The following PCBP3 variants were observed in gnomAD, a reference collection of about 807,000 sequenced individuals.
PCBP3 encodes the protein poly(rC)-binding protein 3.
PCBP3 carries 25 observed loss-of-function variants against 52.7 expected under a neutral mutation model. That is an observed-to-expected ratio of 0.47 (90% confidence interval 0.35 to 0.66). The LOEUF is 0.66. Among genes scored for constraint, PCBP3 ranks in the 30% least tolerant of loss-of-function variants. The probability of loss-of-function intolerance (pLI) is 0.01; values close to 1 mark genes in which losing one functional copy is unlikely to be tolerated. For synonymous variants in PCBP3, 162 were observed against 183.0 expected (o/e 0.89, Z 0.93); for missense variants, 391 against 490.3 (o/e 0.80, Z 1.91).
At chr21:45,648,113 G>T (rs1166194446) in intron 1 of PCBP3, among the ~76,000 whole-genome samples, 1 of 152,232 alleles carries the variant, frequency 6.6e-6, no homozygotes, top group African/African-American at 2.4e-5. Flanking sequence ...CTTGGGAAAG[G>T]AATGCAGTCC....
chr21:45,935,529 C>A (rs1458877310), intron 16 of PCBP3: 7 of 667,524 alleles, frequency 1.0e-5, no homozygotes. Context: ...GAACAAGCAA[C>A]AGGCTAAAGG....
At chr21:45,644,505 GTTT>G (rs562542496) in intron 1 of PCBP3, among the ~76,000 whole-genome samples, 1 of 107,432 alleles carries the variant, frequency 9.3e-6, no homozygotes, top group Non-Finnish European at 2.0e-5. Context: ...TCGTGAAAGA[GTTT>G]TTTTCTTTTT....
At chr21:45,939,950 C>T in intron 16 of PCBP3, 80 bp from the exon 17 acceptor site, 2 of 1,334,796 alleles carry the variant, frequency 1.5e-6, no homozygotes, top group South Asian at 1.3e-5. Flanking sequence ...GTCCCACCGG[C>T]CCCCTCGGGC....
At chr21:45,660,946 C>T (rs903218372) in intron 1 of PCBP3, among the ~76,000 whole-genome samples, 7 of 152,140 alleles carry the variant, frequency 4.6e-5, no homozygotes, top group African/African-American at 1.7e-4. Flanking sequence ...GAGGCTGAGA[C>T]AGGAGAATTG....
At chr21:45,677,896 T>A (rs1385290331) in intron 2 of PCBP3, among the ~76,000 whole-genome samples, 1 of 152,188 alleles carries the variant, frequency 6.6e-6, no homozygotes, top group Non-Finnish European at 1.5e-5. Flanking sequence ...CTCAAAATAT[T>A]ACTGCTTATG....
At chr21:45,777,970 CTTT>C (rs71318012) in intron 4 of PCBP3, among the ~76,000 whole-genome samples, 4 of 130,812 alleles carry the variant, frequency 3.1e-5, no homozygotes, top group Admixed American at 7.5e-5. Flanking sequence ...TGGGGAGGGC[CTTT>C]TTTTTTTTTT....
At chr21:45,838,553 A>G (rs1281248321) in intron 4 of PCBP3, among the ~76,000 whole-genome samples, 2 of 152,210 alleles carry the variant, frequency 1.3e-5, no homozygotes, top group African/African-American at 4.8e-5. Flanking sequence ...AGAGAAAATT[A>G]AGATAAATAT....
rs181361249 is a variant in PCBP3 at position 45,741,992 on chromosome 21, A to C, written c.-162+6563A>C. Among the ~76,000 whole-genome samples the C allele has an allele frequency of 6.6e-6, 1 of 152,224 alleles. No individual in the cohort carries two copies. Among genetic ancestry groups the C allele is most frequent in the Non-Finnish European group, 1.5e-5 (1 of 68,042 alleles). ...CTTTCGTGCCCTGCTTTTTAACTGA[A>C]TAGTATTCTGCAAAGTGTTCGACCT... On this transcript the variant is annotated intron_variant, in intron 3 of 17. Transcript: ENST00000681687. This position sits in a 1 kb window ranked among gnomAD's most constrained non-coding sequence, Gnocchi z 4.5.
chr21:45,795,476 A>C (rs1213691367), intron 4 of PCBP3, among the ~76,000 whole-genome samples: 1 of 152,204 alleles, frequency 6.6e-6, no homozygotes, highest in Non-Finnish European at 1.5e-5. Flanking sequence ...ACACAAAATG[A>C]TAGCCAAAAG....
chr21:45,896,659 G>A (rs2095837079), intron 6 of PCBP3, among the ~76,000 whole-genome samples: 1 of 133,862 alleles, frequency 7.5e-6, no homozygotes, highest in South Asian at 2.8e-4. Context: ...AACCGGAGAT[G>A]CACTGCCCGG....
intron 16 of PCBP3, among the ~76,000 whole-genome samples, chr21:45,936,474 C>G (rs1420534468): frequency 2.6e-5 from 4 of 152,236 alleles, no homozygotes; most frequent in Non-Finnish European, 5.9e-5. Context: ...CCAAGGATTT[C>G]TGAGGTTGGC....
intron 2 of PCBP3, among the ~76,000 whole-genome samples, chr21:45,711,835 A>G (rs185101966): frequency 2.0e-5 from 3 of 152,328 alleles, no homozygotes; most frequent in East Asian, 1.9e-4. Flanking sequence ...GTAAAGTTCT[A>G]TGGTTTTTGA....
At chr21:45,840,203 A>G (rs2093670166) in intron 4 of PCBP3, among the ~76,000 whole-genome samples, 1 of 151,706 alleles carries the variant, frequency 6.6e-6, no homozygotes. Context: ...CTGTAATCCC[A>G]GCACTTTGGG....
At chr21:45,939,999 C>A (rs2077289141) in intron 16 of PCBP3, 31 bp from the exon 17 acceptor site, 3 of 1,602,118 alleles carry the variant, frequency 1.9e-6, no homozygotes, top group Non-Finnish European at 2.6e-6. Flanking sequence ...TTGGGCTGTT[C>A]TCTAAGAAAT....
intron 5 of PCBP3, among the ~76,000 whole-genome samples, chr21:45,879,253 G>GGT (rs140484677): frequency 0.018 from 2,772 of 152,210 alleles, 85 homozygotes; most frequent in African/African-American, 0.064. Flanking sequence ...CCAAAGTACC[G>GGT]GGTTTACAAG....
intron 3 of PCBP3, chr21:45,752,941 C>G (rs922918514): frequency 2.8e-5 from 4 of 140,900 alleles, no homozygotes; most frequent in African/African-American, 1.1e-4. Context: ...CAAGACAAAC[C>G]TAGGCAACAT....
rs1043577846 is a variant in PCBP3, at chr21:45,723,201, C to T, written c.-199-12191C>T. Among the ~76,000 whole-genome samples the T allele has an allele frequency of 1.3e-5, 2 of 152,174 alleles. 1 individual carries two copies. Among genetic ancestry groups the T allele is most frequent in the Middle Eastern group, 6.3e-3 (2 of 316 alleles). ...GTTTGGCAACCAGGGGACACATAGG[C>T]ATCCTAGAGAGTGGCTCTGAGCACA... On this transcript the variant is annotated intron_variant, in intron 2 of 17. Transcript: ENST00000681687.
intron 5 of PCBP3, among the ~76,000 whole-genome samples, chr21:45,891,943 C>T (rs1195373384): frequency 6.6e-6 from 1 of 152,222 alleles, no homozygotes; most frequent in Non-Finnish European, 1.5e-5. Flanking sequence ...TGAGTCAGGA[C>T]GTCCACACAG....
At chr21:45,835,751 C>A (rs1454659314) in intron 4 of PCBP3, among the ~76,000 whole-genome samples, 3 of 152,148 alleles carry the variant, frequency 2.0e-5, no homozygotes, top group African/African-American at 7.2e-5. Context: ...GAGCCATTTT[C>A]ATCCAGGCCA....
Sources: gnomAD v4.1 joint callset for allele counts (sites outside exome capture counted in the v4.1 genomes callset) on GRCh38, gnomAD v4.1.1 for gene constraint, Gnocchi (gnomAD v3.1) non-coding constraint, MANE v1.5 for transcripts, NCBI Gene and HGNC (gene_info 2026-07-23, HGNC 2026-07-21) for gene names.